SIL1: variants seen among roughly 807,000 people sequenced by gnomAD.
SIL1 encodes nucleotide exchange factor SIL1.
Under a neutral mutation model 49.1 loss-of-function variants are expected in SIL1, and 40 were observed. The observed-to-expected ratio is 0.81, with a 90% confidence interval of 0.63 to 1.06. The LOEUF (loss-of-function observed/expected upper bound fraction) is 1.06, where lower values mean the gene tolerates loss of function less well. Ranked by LOEUF, SIL1 falls within the 50% of genes least tolerant of loss-of-function variation. The pLI is 0.00. For synonymous variants in SIL1, 253 were observed against 250.8 expected (o/e 1.01, Z -0.08); for missense variants, 500 against 572.6 (o/e 0.87, Z 1.29).
In SIL1 at chr5:139,058,283, C is replaced by T. The variant is rs2116788; in HGVS notation, c.245-7237G>A. Among the ~76,000 whole-genome samples the T allele has an allele frequency of 7.5e-3, 1,143 of 151,872 alleles. 5 individuals are homozygous for T. Among genetic ancestry groups the T allele is most frequent in the African/African-American group, 0.026 (1,094 of 41,380 alleles). Reference sequence around the variant, plus strand: ...AAGGAAGGAATGAGGATTGACCACTCGTGGTCTGGAGTTAGACAGTGGCAG... The same window carrying T: ...AAGGAAGGAATGAGGATTGACCACTTGTGGTCTGGAGTTAGACAGTGGCAG... On this transcript the variant is annotated intron_variant, in intron 3 of 9. Transcript: ENST00000394817.
intron 7 of SIL1, among the ~76,000 whole-genome samples, chr5:138,964,755 C>T (rs534807838): frequency 2.0e-4 from 31 of 152,302 alleles, no homozygotes; most frequent in African/African-American, 6.5e-4. Context: ...ATTTAGTGCT[C>T]GTTAAAGCCT....
chr5:139,152,343 A>G (rs1260500255), intron 1 of SIL1, among the ~76,000 whole-genome samples: 3 of 152,138 alleles, frequency 2.0e-5, no homozygotes, highest in Non-Finnish European at 4.4e-5. Context: ...GGGATTGGCC[A>G]GGCACAGTGG....
At chr5:139,076,046 T>G (rs568171349) in intron 3 of SIL1, among the ~76,000 whole-genome samples, 1 of 152,308 alleles carries the variant, frequency 6.6e-6, no homozygotes, top group South Asian at 2.1e-4. Context: ...GTCCTGTCAT[T>G]TAGTCCCTTC....
intron 7 of SIL1, chr5:138,953,494 T>C (rs1269675709): frequency 2.6e-5 from 4 of 152,316 alleles, no homozygotes; most frequent in Non-Finnish European, 5.9e-5. Context: ...GTACCACGTG[T>C]CACTCTGTAG....
chr5:139,011,509 T>A (rs1452776572), intron 7 of SIL1, among the ~76,000 whole-genome samples: 3 of 152,230 alleles, frequency 2.0e-5, no homozygotes, highest in South Asian at 2.1e-4. Flanking sequence ...TTTTAAAAAA[T>A]TATTAATAGA....
chr5:139,024,974 G>A (rs1165811263), intron 6 of SIL1, among the ~76,000 whole-genome samples: 1 of 152,130 alleles, frequency 6.6e-6, no homozygotes, highest in Non-Finnish European at 1.5e-5. Flanking sequence ...TCCAGCCAGA[G>A]ATGCCCCTTC....
At chr5:138,970,120 A>G (rs1210946292) in intron 7 of SIL1, among the ~76,000 whole-genome samples, 1 of 152,244 alleles carries the variant, frequency 6.6e-6, no homozygotes, top group African/African-American at 2.4e-5. Context: ...CAAGACTGGC[A>G]GATTGTATTT....
At chr5:139,171,365 C>A (rs530843535) in intron 1 of SIL1, among the ~76,000 whole-genome samples, 301 of 152,294 alleles carry the variant, frequency 2.0e-3, no homozygotes, top group African/African-American at 7.0e-3. Flanking sequence ...AAGAAAAATT[C>A]TTCTGCCTTG....
chr5:139,172,903 C>T (rs1751803762), intron 1 of SIL1, among the ~76,000 whole-genome samples: 2 of 152,062 alleles, frequency 1.3e-5, no homozygotes, highest in African/African-American at 4.8e-5. Context: ...TAATGCCTCA[C>T]ATCTCTGCCC....
intron 3 of SIL1, among the ~76,000 whole-genome samples, chr5:139,068,578 C>G (rs1769757530): frequency 6.9e-6 from 1 of 145,392 alleles, no homozygotes; most frequent in Admixed American, 7.1e-5. Flanking sequence ...CCTCATAAAG[C>G]AAGCTGCCAT....
chr5:139,142,336 A>G (rs999509424), intron 1 of SIL1, among the ~76,000 whole-genome samples: 2 of 152,250 alleles, frequency 1.3e-5, no homozygotes, highest in Non-Finnish European at 2.9e-5. Flanking sequence ...CAAAGACACT[A>G]TAAGAAGACT....
At chr5:139,175,888 G>A (rs373109513) in intron 1 of SIL1, among the ~76,000 whole-genome samples, 2 of 152,206 alleles carry the variant, frequency 1.3e-5, no homozygotes, top group African/African-American at 2.4e-5. Context: ...ATTTGAACCC[G>A]GGAGGTGGAG....
At chr5:138,993,306 G>A (rs543072015) in intron 7 of SIL1, among the ~76,000 whole-genome samples, 2 of 152,254 alleles carry the variant, frequency 1.3e-5, no homozygotes, top group Admixed American at 6.5e-5. Context: ...AGTGTGACTC[G>A]AAGGAACTCA....
rs1378336598 is a variant in SIL1 at position 139,045,426 on chromosome 5, C to G, written c.354-2707G>C. Among the ~76,000 whole-genome samples, 3 of 152,166 alleles carry G rather than the reference C, an allele frequency of 2.0e-5. No individual in the cohort carries two copies. The East Asian group carries it at 5.8e-4, about 29-fold the overall frequency. ...TCATGGCTCTTCCTCTTCCTTACTCCTTCTCCAACTCTTGCTGGTTCCTCA... is the reference window on the plus strand; with the variant it reads ...TCATGGCTCTTCCTCTTCCTTACTCGTTCTCCAACTCTTGCTGGTTCCTCA... On this transcript the variant is annotated intron_variant, in intron 4 of 9. Coordinates refer to ENST00000394817, the MANE Select transcript of SIL1 (RefSeq NM_022464.5).
chr5:138,984,947 T>C (rs922198464), intron 7 of SIL1, among the ~76,000 whole-genome samples: 1 of 152,228 alleles, frequency 6.6e-6, no homozygotes, highest in East Asian at 1.9e-4. Context: ...AATAGGCAAA[T>C]TAAACTCATT....
Position 139,058,970 on chromosome 5 carries a change from A to ATG in SIL1, c.245-7926_245-7925dup, listed in dbSNP as rs61070788. 7.1e-4 allele frequency among the ~76,000 whole-genome samples: 106 copies of ATG among 150,338 alleles called. 1 individual carries two copies. Among genetic ancestry groups the ATG allele is most frequent in the South Asian group, 4.0e-3 (19 of 4,762 alleles). On this transcript the variant is annotated intron_variant, in intron 3 of 9. Coordinates refer to ENST00000394817, the MANE Select transcript of SIL1 (RefSeq NM_022464.5). ...TCAGTAGGCGGAGCTAGAAATGTGT[A>ATG]TGTGTGTGTGTGTGTGTAACAAAAT...
intron 1 of SIL1, among the ~76,000 whole-genome samples, chr5:139,182,782 G>A (rs1442356404): frequency 1.3e-5 from 2 of 152,158 alleles, no homozygotes; most frequent in African/African-American, 4.8e-5. Flanking sequence ...CACAGCTGAG[G>A]ACACAGGAGC....
intron 3 of SIL1, among the ~76,000 whole-genome samples, chr5:139,117,587 G>GC (rs1561868776): frequency 6.6e-6 from 1 of 152,044 alleles, no homozygotes; most frequent in African/African-American, 2.4e-5. Context: ...TGAGTTCCCT[G>GC]CCCAGAACCC....
intron 3 of SIL1, among the ~76,000 whole-genome samples, chr5:139,056,627 C>T (rs1408306637): frequency 6.8e-6 from 1 of 147,888 alleles, no homozygotes; most frequent in Non-Finnish European, 1.5e-5. Context: ...GGCCAGCCGC[C>T]CCATCAAGGA....
Sources: gnomAD v4.1 joint callset for allele counts (sites outside exome capture counted in the v4.1 genomes callset) on GRCh38, gnomAD v4.1.1 for gene constraint, MANE v1.5 for transcripts, NCBI Gene and HGNC (gene_info 2026-07-23, HGNC 2026-07-21) for gene names.